The following CDH11 variants were observed in gnomAD, a reference collection of about 807,000 sequenced individuals.
The protein encoded by CDH11 is cadherin-11.
CDH11 carries 11 observed loss-of-function variants against 67.8 expected under a neutral mutation model. The ratio of observed to expected loss-of-function variants is 0.16; its 90% CI spans 0.10 to 0.27. CDH11 has a LOEUF of 0.27. Among genes scored for constraint, CDH11 ranks in the 10% least tolerant of loss-of-function variants. The pLI, the probability that CDH11 is intolerant of heterozygous loss-of-function variation, is 1.00. For missense variants in CDH11, 847 were observed against 1,031.2 expected (o/e 0.82, Z 2.45); for synonymous variants, 419 against 400.0 (o/e 1.05, Z -0.57).
At chr16:64,975,415 T>C (rs1257380007) in intron 8 of CDH11, among the ~76,000 whole-genome samples, 1 of 151,958 alleles carries the variant, frequency 6.6e-6, no homozygotes, top group Non-Finnish European at 1.5e-5. Flanking sequence ...GAAGTGAGAG[T>C]AGAAGAAGGA....
chr16:64,995,055 T>C (rs1055516210), intron 4 of CDH11, among the ~76,000 whole-genome samples: 7 of 152,154 alleles, frequency 4.6e-5, no homozygotes, highest in South Asian at 2.1e-4. Flanking sequence ...AAAGAAATCA[T>C]AGATGACACA....
chr16:65,071,611 C>T (rs888023121), intron 1 of CDH11, among the ~76,000 whole-genome samples: 1 of 152,126 alleles, frequency 6.6e-6, no homozygotes, highest in African/African-American at 2.4e-5. Flanking sequence ...GTGCCCCAAG[C>T]GCGTGTCCCC....
At chr16:65,080,665 C>T (rs937351226) in intron 1 of CDH11, among the ~76,000 whole-genome samples, 4 of 152,168 alleles carry the variant, frequency 2.6e-5, no homozygotes, top group Non-Finnish European at 5.9e-5. Context: ...CCCCTCTTTT[C>T]TATGGGAGCA....
intron 11 of CDH11, among the ~76,000 whole-genome samples, chr16:64,957,527 G>A (rs2071546482): frequency 6.6e-6 from 1 of 151,492 alleles, no homozygotes; most frequent in Admixed American, 6.6e-5. Context: ...GGCCTACACT[G>A]CTTTCCTTAG....
chr16:64,955,424 C>T (rs915037723), intron 11 of CDH11, among the ~76,000 whole-genome samples: 5 of 151,654 alleles, frequency 3.3e-5, no homozygotes, highest in African/African-American at 1.2e-4. Context: ...CAGAATGAGA[C>T]TCTGAATCAA....
At chr16:65,021,253 G>GT (rs1220183490) in intron 2 of CDH11, among the ~76,000 whole-genome samples, 2 of 152,132 alleles carry the variant, frequency 1.3e-5, no homozygotes, top group Non-Finnish European at 2.9e-5. Flanking sequence ...AAAACACCAG[G>GT]TAACTGAATG....
intron 2 of CDH11, among the ~76,000 whole-genome samples, chr16:65,037,754 G>A (rs1257897973): frequency 6.6e-6 from 1 of 151,988 alleles, no homozygotes; most frequent in African/African-American, 2.4e-5. Flanking sequence ...GCCAAGACCT[G>A]AGAGAAGAAA....
At chr16:65,106,996 T>C (rs1237620294) in intron 1 of CDH11, among the ~76,000 whole-genome samples, 1 of 151,952 alleles carries the variant, frequency 6.6e-6, no homozygotes, top group Non-Finnish European at 1.5e-5. Flanking sequence ...TTTAAATCAT[T>C]TGCAGCTGTC....
At chr16:64,991,148 G>GA (rs1225989515) in intron 6 of CDH11, among the ~76,000 whole-genome samples, 1 of 152,050 alleles carries the variant, frequency 6.6e-6, no homozygotes, top group Non-Finnish European at 1.5e-5. Flanking sequence ...TGCCCTTGGG[G>GA]ATCACACTTT....
chr16:65,114,802 C>A (rs2075215399), intron 1 of CDH11, among the ~76,000 whole-genome samples: 1 of 152,112 alleles, frequency 6.6e-6, no homozygotes, highest in Admixed American at 6.5e-5. Flanking sequence ...CCATTCAGGG[C>A]TTAAGAGAGG....
In CDH11 at chr16:64,945,859, A is replaced by G. The variant is rs1254973595; in HGVS notation, c.*1744T>C. ...CAATAAAGTCAGAAAAAAACTGTAA[A>G]AATTGTCTGCAATCCAAGAAAAAGC... On this transcript the variant is annotated 3_prime_UTR_variant, in exon 13 of 13. Transcript: ENST00000268603. The G allele has an allele frequency of 3.8e-6, 4 of 1,054,874 alleles. No individual in the cohort carries two copies. The highest frequency in any genetic ancestry group is 4.6e-5 in the South Asian group (1 of 21,894). 65.3% of individuals were successfully genotyped at this position (1,054,874 alleles called of 1,614,324 possible). A position where few individuals can be genotyped will look rare whatever the true frequency, so the allele number is the denominator to read the frequency against.
At chr16:64,955,021 C>T (rs544362713) in intron 11 of CDH11, among the ~76,000 whole-genome samples, 13 of 150,520 alleles carry the variant, frequency 8.6e-5, no homozygotes, top group African/African-American at 9.7e-5. Context: ...CCGAGGCAGG[C>T]GGATCACGAG....
chr16:64,963,506 AAGAG>A (rs1276988234), intron 11 of CDH11, among the ~76,000 whole-genome samples: 4 of 152,206 alleles, frequency 2.6e-5, no homozygotes, highest in Non-Finnish European at 4.4e-5. Context: ...CCAGAAACAG[AAGAG>A]AGAAAGAAAC....
intron 4 of CDH11, among the ~76,000 whole-genome samples, chr16:64,995,245 TA>T (rs1246401256): frequency 1.3e-5 from 2 of 152,060 alleles, no homozygotes; most frequent in African/African-American, 4.8e-5. Flanking sequence ...AAAACTGTTC[TA>T]AGACTCATAT....
chr16:64,949,213 CCTTATTA>C (rs2071283371), intron 12 of CDH11, among the ~76,000 whole-genome samples: 1 of 152,080 alleles, frequency 6.6e-6, no homozygotes, highest in Non-Finnish European at 1.5e-5. Flanking sequence ...CCGTTCTTAT[CCTTATTA>C]TAATATTTAT....
chr16:65,053,074 G>T (rs2074084695), intron 2 of CDH11, among the ~76,000 whole-genome samples: 1 of 152,174 alleles, frequency 6.6e-6, no homozygotes, highest in African/African-American at 2.4e-5. Flanking sequence ...TAGGCACTTG[G>T]ATAAGAAGGT....
Position 64,944,869 on chromosome 16 carries a change from T to C in CDH11, c.*2734A>G. 4.5e-6 allele frequency: 1 copy of C among 222,544 alleles called. No individual in the cohort carries two copies. 13.8% of individuals were successfully genotyped at this position (222,544 alleles called of 1,614,324 possible). ...ATTTGGAAGGAGAGAAAATATCTTC[T>C]TGCATTTTCTAGGAGGGCAAATAGG... On this transcript the variant is annotated 3_prime_UTR_variant, in exon 13 of 13. Transcript: ENST00000268603.
At chr16:65,072,652 C>G (rs936961369) in intron 1 of CDH11, among the ~76,000 whole-genome samples, 4 of 152,188 alleles carry the variant, frequency 2.6e-5, no homozygotes, top group African/African-American at 9.7e-5. Context: ...TGGAAACACA[C>G]TTGGCAGTGA....
At chr16:65,062,993 C>A (rs1220237124) in intron 1 of CDH11, among the ~76,000 whole-genome samples, 1 of 152,180 alleles carries the variant, frequency 6.6e-6, no homozygotes, top group Non-Finnish European at 1.5e-5. Flanking sequence ...CACCCAGGGT[C>A]GGCAGGGGAA....
Sources: allele counts gnomAD v4.1 joint callset (sites outside exome capture counted in the v4.1 genomes callset), GRCh38; gene constraint gnomAD v4.1.1; transcripts MANE v1.5; gene names NCBI Gene and HGNC (gene_info 2026-07-23, HGNC 2026-07-21).